The following SHQ1 variants were observed in gnomAD, a reference collection of about 807,000 sequenced individuals.
The protein encoded by SHQ1 is SHQ1, H/ACA ribonucleoprotein assembly factor.
A neutral mutation model predicts 53.8 loss-of-function variants in SHQ1; 49 were observed. The ratio of observed to expected loss-of-function variants is 0.91; its 90% CI spans 0.72 to 1.16. The LOEUF is 1.16. Ranked by LOEUF, SHQ1 falls within the 50% of genes most tolerant of loss-of-function variation. SHQ1 has a pLI of 0.00. For missense variants in SHQ1, 738 were observed against 683.1 expected (o/e 1.08, Z -0.90); for synonymous variants, 243 against 251.0 (o/e 0.97, Z 0.30).
chr3:72,815,426 A>T (rs1367448161), intron 7 of SHQ1, 23 bp from the exon 8 acceptor site: 3 of 1,596,990 alleles, frequency 1.9e-6, no homozygotes, highest in Non-Finnish European at 2.6e-6. Flanking sequence ...TGGAGAAAAG[A>T]ATACCATCAC....
downstream of SHQ1, among the ~76,000 whole-genome samples, chr3:72,746,887 C>T (rs1247033297): frequency 6.6e-6 from 1 of 152,170 alleles, no homozygotes; most frequent in Non-Finnish European, 1.5e-5. Flanking sequence ...AGATAATGTA[C>T]TAGTGAGAAG....
intron 1 of SHQ1, 130 bp downstream of exon 1, chr3:72,848,066 CAA>C: frequency 8.9e-7 from 1 of 1,119,988 alleles, no homozygotes; most frequent in Non-Finnish European, 1.3e-6. Context: ...TCCCTGGCAC[CAA>C]GAGAAGCTGC....
At chr3:72,836,025 C>A (rs1707980827) in intron 4 of SHQ1, among the ~76,000 whole-genome samples, 1 of 152,204 alleles carries the variant, frequency 6.6e-6, no homozygotes, top group South Asian at 2.1e-4. Context: ...TTCACTGTAT[C>A]CCCATCACTG....
chr3:72,730,041 A>G, the SHQ1 span, among the ~76,000 whole-genome samples: 10 of 151,806 alleles, frequency 6.6e-5, no homozygotes, highest in African/African-American at 2.4e-4. Flanking sequence ...GATGGTCTCG[A>G]TCTCCTGACC....
At chr3:72,827,319 G>C (rs1049203967) in intron 5 of SHQ1, among the ~76,000 whole-genome samples, 1 of 152,064 alleles carries the variant, frequency 6.6e-6, no homozygotes, top group Non-Finnish European at 1.5e-5. Context: ...ACAGAGATAT[G>C]AGAGTCATAA....
chr3:72,725,478 C>T, the SHQ1 span, among the ~76,000 whole-genome samples: 2 of 152,190 alleles, frequency 1.3e-5, no homozygotes, highest in African/African-American at 4.8e-5. Flanking sequence ...CCCCTCATCT[C>T]CTCAGAGAGG....
At chr3:72,840,699 C>T (rs1159504045) in intron 4 of SHQ1, among the ~76,000 whole-genome samples, 1 of 152,074 alleles carries the variant, frequency 6.6e-6, no homozygotes, top group Non-Finnish European at 1.5e-5. Flanking sequence ...GACATCATGC[C>T]GTAAGTACAT....
chr3:72,751,506 GTGTATATATA>G (rs1186736446), intron 10 of SHQ1, among the ~76,000 whole-genome samples: 3 of 117,428 alleles, frequency 2.6e-5, no homozygotes, highest in African/African-American at 1.3e-4. Flanking sequence ...GTGTGTGTGT[GTGTATATATA>G]TATATATATA....
At chr3:72,816,968 C>T (rs781638865) in intron 7 of SHQ1, among the ~76,000 whole-genome samples, 6 of 152,174 alleles carry the variant, frequency 3.9e-5, no homozygotes, top group Non-Finnish European at 8.8e-5. Flanking sequence ...CCTCTCTACT[C>T]TCAGTTTCAC....
intron 6 of SHQ1, among the ~76,000 whole-genome samples, chr3:72,821,813 T>C (rs1393947605): frequency 6.6e-6 from 1 of 152,206 alleles, no homozygotes; most frequent in South Asian, 2.1e-4. Flanking sequence ...TTATTTCTTT[T>C]CCCCCATATT....
In SHQ1 at chr3:72,792,968, T is replaced by A; in HGVS notation, c.1129A>T (p.Ile377Leu). 1.2e-6 allele frequency: 2 copies of A among 1,612,244 alleles called. No homozygotes were observed. The highest frequency in any genetic ancestry group is 1.7e-6 in the Non-Finnish European group (2 of 1,179,560). ...KIFQENDPAY[I>L]LNDLYISDYC... ...TCTGAGATGTAGAGATCATTCAGTA[T>A]GTACGCTGGGTCATTTTCCTGAAAA... Residue 377 changes from isoleucine to leucine, a missense_variant, in exon 10 of 11, where the codon ATA becomes TTA. Transcript: ENST00000325599.
At chr3:72,741,769 C>G in the SHQ1 span, among the ~76,000 whole-genome samples, 1 of 151,998 alleles carries the variant, frequency 6.6e-6, no homozygotes, top group African/African-American at 2.4e-5. Context: ...GGTTTCACAT[C>G]CATGACTTCA....
At position 72,753,028 on chromosome 3, in the gene SHQ1, T is replaced by A. The variant is rs151053509; in HGVS notation, c.1182-2192A>T. 4 of 985,246 alleles carry A rather than the reference T, an allele frequency of 4.1e-6. No homozygotes were observed. In the African/African-American group the frequency reaches 5.2e-5, roughly 13 times the overall value. The allele number at this position is 985,246 out of a possible 1,614,324, so 61.0% of individuals were successfully genotyped here. On this transcript the variant is annotated intron_variant, in intron 10 of 10. Transcript: ENST00000325599. ...ATTACATTGTATCGAGTAAATAAAC[T>A]TTTCCATTATTAACTTGGATGCATT...
At chr3:72,813,946 C>A in intron 8 of SHQ1, among the ~76,000 whole-genome samples, 1 of 148,616 alleles carries the variant, frequency 6.7e-6, no homozygotes, top group Non-Finnish European at 1.5e-5. Flanking sequence ...TGAACGGTAT[C>A]AAACTGATAA....
intron 1 of SHQ1, among the ~76,000 whole-genome samples, chr3:72,845,212 G>C (rs1005506267): frequency 6.6e-6 from 1 of 152,192 alleles, no homozygotes; most frequent in Non-Finnish European, 1.5e-5. Context: ...GGCTGGGCGT[G>C]GTGGCTTACG....
chr3:72,802,147 G>A (rs922190064), intron 9 of SHQ1, among the ~76,000 whole-genome samples: 1 of 152,170 alleles, frequency 6.6e-6, no homozygotes, highest in Non-Finnish European at 1.5e-5. Flanking sequence ...AGGGAAGGAG[G>A]ACAACGGGTA....
In SHQ1 at chr3:72,839,751, A is replaced by G. The variant is rs372271715; in HGVS notation, c.486+1294T>C. On this transcript the variant is annotated intron_variant, in intron 4 of 10. Coordinates refer to ENST00000325599, the MANE Select transcript of SHQ1 (RefSeq NM_018130.3). Reference sequence around the variant, plus strand: ...TAAGATAATAAACCACATTCTAAACAGGTTTTGTTTTGTTGTGTTTGTTCT... The same window carrying G: ...TAAGATAATAAACCACATTCTAAACGGGTTTTGTTTTGTTGTGTTTGTTCT... Among the ~76,000 whole-genome samples, 8 of 152,070 alleles carry G rather than the reference A, an allele frequency of 5.3e-5. No homozygotes were observed. The South Asian group carries it at 1.7e-3, about 32-fold the overall frequency.
At chr3:72,729,275 A>G in the SHQ1 span, among the ~76,000 whole-genome samples, 1 of 152,176 alleles carries the variant, frequency 6.6e-6, no homozygotes, top group Non-Finnish European at 1.5e-5. Context: ...GCTGATTTCA[A>G]CGTGAGTCAC....
chr3:72,796,020 T>C (rs994942171), intron 9 of SHQ1, among the ~76,000 whole-genome samples: 8 of 142,686 alleles, frequency 5.6e-5, no homozygotes, highest in African/African-American at 7.9e-5. Flanking sequence ...GGAGAATCAC[T>C]GGACCCGGGG....
Sources: allele counts gnomAD v4.1 joint callset (sites outside exome capture counted in the v4.1 genomes callset), GRCh38; gene constraint gnomAD v4.1.1; transcripts MANE v1.5; gene names NCBI Gene and HGNC (gene_info 2026-07-23, HGNC 2026-07-21).